SYT1: variants seen among roughly 807,000 people sequenced by gnomAD.
SYT1 encodes synaptotagmin-1.
In SYT1, 8 loss-of-function variants were observed where a neutral mutation model predicts 44.8. The ratio of observed to expected loss-of-function variants is 0.18; its 90% CI spans 0.10 to 0.32. SYT1 has a LOEUF of 0.32. Ranked by LOEUF, SYT1 falls within the 10% of genes least tolerant of loss-of-function variation. The probability of loss-of-function intolerance (pLI) is 1.00; values close to 1 mark genes in which losing one functional copy is unlikely to be tolerated. For missense variants in SYT1, 286 were observed against 509.3 expected (o/e 0.56, Z 4.22); for synonymous variants, 154 against 188.8 (o/e 0.82, Z 1.51).
At chr12:79,320,854 C>A (rs974553290) in intron 8 of SYT1, among the ~76,000 whole-genome samples, 5 of 151,772 alleles carry the variant, frequency 3.3e-5, no homozygotes, top group Non-Finnish European at 7.4e-5. Flanking sequence ...ATCTCTTGGC[C>A]TCGTGATCGG....
chr12:79,234,708 C>CTTT (rs1565867795), intron 4 of SYT1, among the ~76,000 whole-genome samples: 1 of 102,944 alleles, frequency 9.7e-6, no homozygotes, highest in African/African-American at 3.8e-5. Context: ...TTCTTTCTTT[C>CTTT]TTTCTTTTTT....
intron 8 of SYT1, among the ~76,000 whole-genome samples, chr12:79,352,208 G>A (rs556990121): frequency 2.9e-3 from 433 of 150,020 alleles, no homozygotes; most frequent in Admixed American, 6.0e-3. Flanking sequence ...AAAAAAAAAC[G>A]GGGGGGAATT....
intron 3 of SYT1, among the ~76,000 whole-genome samples, chr12:79,153,688 T>A (rs1306742217): frequency 6.6e-6 from 1 of 152,136 alleles, no homozygotes; most frequent in African/African-American, 2.4e-5. Context: ...TAGATGATAA[T>A]CTCTGACATA....
intron 9 of SYT1, among the ~76,000 whole-genome samples, chr12:79,420,954 T>C (rs1482244837): frequency 6.6e-6 from 1 of 152,160 alleles, no homozygotes; most frequent in Non-Finnish European, 1.5e-5. Flanking sequence ...GCTAAAGTCC[T>C]GCCACTTCCA....
chr12:78,962,208 T>C (rs918853134), intron 1 of SYT1, among the ~76,000 whole-genome samples: 11 of 152,152 alleles, frequency 7.2e-5, no homozygotes, highest in Non-Finnish European at 1.6e-4. Context: ...AGGCTGGGTA[T>C]ATAATGGAGC....
intron 3 of SYT1, among the ~76,000 whole-genome samples, chr12:79,097,652 G>T (rs1182882252): frequency 1.3e-5 from 2 of 151,952 alleles, no homozygotes; most frequent in Non-Finnish European, 2.9e-5. Flanking sequence ...GTCAAATGAG[G>T]CCTTACCCAG....
At chr12:79,348,942 AAAAG>A (rs1243963642) in intron 8 of SYT1, among the ~76,000 whole-genome samples, 5 of 144,094 alleles carry the variant, frequency 3.5e-5, no homozygotes, top group East Asian at 1.9e-4. Flanking sequence ...AAAGGAAAGA[AAAAG>A]AAAGAAAAAA....
At chr12:78,951,859 T>A (rs1592598374) in intron 1 of SYT1, among the ~76,000 whole-genome samples, 1 of 152,166 alleles carries the variant, frequency 6.6e-6, no homozygotes, top group African/African-American at 2.4e-5. Flanking sequence ...CTGGAGCTTA[T>A]GTGTCATTCA....
At position 79,047,279 on chromosome 12, in the gene SYT1, A is replaced by T. The variant is rs992714198; in HGVS notation, c.-83-18A>T. The T allele has an allele frequency of 3.3e-5, 5 of 151,832 alleles. No homozygotes were observed. 9.4% of individuals were successfully genotyped at this position (151,832 alleles called of 1,614,324 possible). ...ATGTGTAGTCAAGTAACCTCTGTAT[A>T]TATTGTTTTCCTTTTAGAAAAACAG... is the stretch of plus-strand genomic sequence containing the variant. On this transcript the variant is annotated intron_variant, in intron 2 of 10. Coordinates refer to ENST00000261205, the MANE Select transcript of SYT1 (RefSeq NM_005639.3).
chr12:78,914,205 G>A (rs1565714763), intron 1 of SYT1, among the ~76,000 whole-genome samples: 1 of 151,820 alleles, frequency 6.6e-6, no homozygotes, highest in African/African-American at 2.4e-5. Context: ...GGGGCATTGG[G>A]AAATGATTGT....
intron 4 of SYT1, among the ~76,000 whole-genome samples, chr12:79,228,034 C>CG (rs1456574314): frequency 1.2e-5 from 1 of 83,930 alleles, no homozygotes; most frequent in Admixed American, 1.4e-4. Context: ...TCCTCTCCTC[C>CG]ATTTTTTTTT....
chr12:79,276,680 A>G (rs1878746038), intron 4 of SYT1, among the ~76,000 whole-genome samples: 1 of 151,660 alleles, frequency 6.6e-6, no homozygotes, highest in Admixed American at 6.6e-5. Flanking sequence ...ATCAAAAAAA[A>G]AAAAACAAAA....
At chr12:79,216,643 C>G (rs566188700) in intron 3 of SYT1, among the ~76,000 whole-genome samples, 1 of 152,220 alleles carries the variant, frequency 6.6e-6, no homozygotes, top group Admixed American at 6.5e-5. Context: ...CTGATGTCTT[C>G]TGAATTCACA....
chr12:79,230,423 C>A (rs1875802765), intron 4 of SYT1, among the ~76,000 whole-genome samples: 1 of 151,866 alleles, frequency 6.6e-6, no homozygotes, highest in Non-Finnish European at 1.5e-5. Context: ...ACTGTCATTT[C>A]TCCATTATAT....
chr12:79,143,197 G>A (rs1453131987), intron 3 of SYT1, among the ~76,000 whole-genome samples: 1 of 152,100 alleles, frequency 6.6e-6, no homozygotes, highest in African/African-American at 2.4e-5. Context: ...TGTTACCATA[G>A]GAACAATGGT....
chr12:79,253,626 T>A (rs758507434), intron 4 of SYT1, among the ~76,000 whole-genome samples: 1 of 151,628 alleles, frequency 6.6e-6, no homozygotes. Context: ...AAAGGAAGAG[T>A]CTTGTGTCTT....
chr12:79,096,804 G>A (rs765589998), intron 3 of SYT1, among the ~76,000 whole-genome samples: 51 of 151,948 alleles, frequency 3.4e-4, no homozygotes, highest in African/African-American at 1.2e-3. Context: ...TATGGGAGTC[G>A]AATTAAATTT....
chr12:79,234,490 C>A (rs1324956582), intron 4 of SYT1, among the ~76,000 whole-genome samples: 1 of 152,180 alleles, frequency 6.6e-6, no homozygotes, highest in Non-Finnish European at 1.5e-5. Flanking sequence ...ACTGTTCCAG[C>A]ATTTCACTAA....
At position 79,145,810 on chromosome 12, in the gene SYT1, T is replaced by G. The variant is rs555468816; in HGVS notation, c.-17-71693T>G. On this transcript the variant is annotated intron_variant, in intron 3 of 10. Transcript: ENST00000261205. Reference sequence around the variant, plus strand: ...TCTCGCTCTGTCGCCCAGGCTGGAGTGCAGTGGCGGGATCTCGGCTCACTG... The same window carrying G: ...TCTCGCTCTGTCGCCCAGGCTGGAGGGCAGTGGCGGGATCTCGGCTCACTG... 6.8e-4 allele frequency among the ~76,000 whole-genome samples: 103 copies of G among 150,892 alleles called. 1 individual carries two copies. Among genetic ancestry groups the G allele is most frequent in the Admixed American group, 1.4e-3 (21 of 15,144 alleles).
Sources: gnomAD v4.1 joint callset for allele counts (sites outside exome capture counted in the v4.1 genomes callset) on GRCh38, gnomAD v4.1.1 for gene constraint, MANE v1.5 for transcripts, NCBI Gene and HGNC (gene_info 2026-07-23, HGNC 2026-07-21) for gene names.